The following PTGFR variants were observed in gnomAD, a reference collection of about 807,000 sequenced individuals.
PTGFR encodes prostaglandin F2-alpha receptor.
PTGFR carries 15 observed loss-of-function variants against 26.2 expected under a neutral mutation model. The observed-to-expected ratio is 0.57, with a 90% CI of 0.38 to 0.88. PTGFR has a LOEUF of 0.88. Among genes scored for constraint, PTGFR ranks in the 40% least tolerant of loss-of-function variants. The pLI is 0.00. For missense variants in PTGFR, 369 were observed against 427.2 expected (o/e 0.86, Z 1.20); for synonymous variants, 165 against 151.1 (o/e 1.09, Z -0.68).
At chr1:78,496,082 A>T (rs1649541124) in intron 2 of PTGFR, among the ~76,000 whole-genome samples, 1 of 152,076 alleles carries the variant, frequency 6.6e-6, no homozygotes, top group Admixed American at 6.5e-5. Context: ...TCTTTTATGG[A>T]GAGTTGAGTC....
Position 78,522,442 on chromosome 1 carries a change from C to T in PTGFR, c.799-13964C>T, listed in dbSNP as rs181423265. Among the ~76,000 whole-genome samples the T allele has an allele frequency of 1.0e-3, 159 of 152,174 alleles. 1 individual carries two copies. The highest frequency in any genetic ancestry group is 1.9e-3 in the Non-Finnish European group (130 of 67,976). On this transcript the variant is annotated intron_variant, in intron 2 of 2. Transcript: ENST00000370757. ...CCTAGGTTGGGCATATTAAAGGGGT[C>T]ATTTTTGAAATTCTGCCTAACACAA...
At chr1:78,523,915 T>C (rs1056943978) in intron 2 of PTGFR, among the ~76,000 whole-genome samples, 2 of 152,092 alleles carry the variant, frequency 1.3e-5, no homozygotes, top group Non-Finnish European at 2.9e-5. Flanking sequence ...TTGGGAACTA[T>C]ATGCCCAGCA....
At chr1:78,535,319 T>TTCAGATGCA (rs1235539705) in intron 2 of PTGFR, among the ~76,000 whole-genome samples, 1 of 152,120 alleles carries the variant, frequency 6.6e-6, no homozygotes, top group Non-Finnish European at 1.5e-5. Flanking sequence ...AGAAATAGAC[T>TTCAGATGCA]TCAGATGCAT....
At chr1:78,491,580 G>A (rs1433211403) in intron 1 of PTGFR, among the ~76,000 whole-genome samples, 1 of 152,262 alleles carries the variant, frequency 6.6e-6, no homozygotes, top group Non-Finnish European at 1.5e-5. Context: ...GGATGAGGGA[G>A]AAAACAGCCC....
intron 2 of PTGFR, among the ~76,000 whole-genome samples, chr1:78,525,954 A>G (rs1034488306): frequency 2.6e-5 from 4 of 152,126 alleles, no homozygotes; most frequent in African/African-American, 9.7e-5. Flanking sequence ...AAACTGTTCC[A>G]ATTGGAAGTA....
chr1:78,525,064 G>A (rs1448824491), intron 2 of PTGFR, among the ~76,000 whole-genome samples: 1 of 151,642 alleles, frequency 6.6e-6, no homozygotes, highest in East Asian at 1.9e-4. Context: ...TGCCAGATGT[G>A]TATCAGGATG....
At chr1:78,514,423 T>C (rs1032566518) in intron 2 of PTGFR, among the ~76,000 whole-genome samples, 1 of 152,170 alleles carries the variant, frequency 6.6e-6, no homozygotes, top group African/African-American at 2.4e-5. Flanking sequence ...CTGTTGCCTC[T>C]TTATTTTGGC....
In PTGFR at chr1:78,493,365, CTGGGGCTCTTAGCCCT is replaced by C; in HGVS notation, c.626_641del (p.Gly209ValfsTer15). ...ATTTTATCTTCTACTTTTTTCTTTT[CTGGGGCTCTTAGCCCT>C]TGGTGTTTCATTGTTGTGCAATGCA... On this transcript the variant is annotated frameshift_variant, in exon 2 of 3. Transcript: ENST00000370757. LOFTEE classifies it high-confidence loss of function. The C allele has an allele frequency of 6.2e-7, 1 of 1,613,614 alleles. No homozygotes were observed. The highest frequency in any genetic ancestry group is 8.5e-7 in the Non-Finnish European group (1 of 1,179,882).
At chr1:78,534,590 C>T (rs553186639) in intron 2 of PTGFR, among the ~76,000 whole-genome samples, 2 of 152,136 alleles carry the variant, frequency 1.3e-5, no homozygotes, top group African/African-American at 4.8e-5. Context: ...TTGAGACAAA[C>T]AAAATGAGGA....
At position 78,539,570 on chromosome 1, in the gene PTGFR, T is replaced by G. The variant is rs1650742465; in HGVS notation, c.*2883T>G. 1 of 152,534 alleles carries G rather than the reference T, an allele frequency of 6.6e-6. No individual in the cohort carries two copies. Among genetic ancestry groups the G allele is most frequent in the African/African-American group, 2.4e-5 (1 of 41,442 alleles). The allele number at this position is 152,534 out of a possible 1,614,324, so 9.4% of individuals were successfully genotyped here. On this transcript the variant is annotated 3_prime_UTR_variant, in exon 3 of 3. Coordinates refer to ENST00000370757, the MANE Select transcript of PTGFR (RefSeq NM_000959.4). ...CATTTTAATAGTAGATGAAACATGT[T>G]TTTCTTGGTTATGTGAATAAATGTA...
At chr1:78,516,117 T>TA (rs1557654125) in intron 2 of PTGFR, among the ~76,000 whole-genome samples, 1 of 152,146 alleles carries the variant, frequency 6.6e-6, no homozygotes, top group African/African-American at 2.4e-5. Flanking sequence ...TTAATTTTTT[T>TA]AAAAAAACCA....
At chr1:78,491,536 C>T (rs1649398323) in intron 1 of PTGFR, among the ~76,000 whole-genome samples, 1 of 152,214 alleles carries the variant, frequency 6.6e-6, no homozygotes, top group Non-Finnish European at 1.5e-5. Context: ...ACTGCGAGTT[C>T]CTCACCCGGG....
intron 2 of PTGFR, 22 bp downstream of exon 2, chr1:78,493,563 T>A (rs774546435): frequency 6.6e-7 from 1 of 1,511,394 alleles, no homozygotes; most frequent in Non-Finnish European, 8.8e-7. Flanking sequence ...AAGTTTTGAC[T>A]TCTGCTTTCT....
At chr1:78,510,290 G>A (rs1202454793) in intron 2 of PTGFR, among the ~76,000 whole-genome samples, 1 of 152,128 alleles carries the variant, frequency 6.6e-6, no homozygotes, top group African/African-American at 2.4e-5. Flanking sequence ...AGGTTTAATT[G>A]GCTCATGGTT....
intron 2 of PTGFR, among the ~76,000 whole-genome samples, chr1:78,510,746 G>C (rs1209863319): frequency 6.6e-6 from 1 of 152,078 alleles, no homozygotes; most frequent in African/African-American, 2.4e-5. Context: ...CAACTCAAAA[G>C]TCCCAAAGTC....
intron 2 of PTGFR, among the ~76,000 whole-genome samples, chr1:78,526,938 G>A (rs923899757): frequency 1.3e-5 from 2 of 152,108 alleles, no homozygotes; most frequent in African/African-American, 2.4e-5. Context: ...ATCTTGCAGG[G>A]CCTTGTAGCT....
intron 2 of PTGFR, among the ~76,000 whole-genome samples, chr1:78,520,295 CT>C (rs1650192525): frequency 6.6e-6 from 1 of 152,072 alleles, no homozygotes; most frequent in African/African-American, 2.4e-5. Flanking sequence ...CCTCATATTT[CT>C]TTAAAAAGTC....
intron 2 of PTGFR, among the ~76,000 whole-genome samples, chr1:78,504,695 T>G (rs1252929648): frequency 6.6e-6 from 1 of 152,224 alleles, no homozygotes; most frequent in African/African-American, 2.4e-5. Flanking sequence ...CATTCATCAT[T>G]TGTATTTATG....
At chr1:78,524,430 G>A (rs927238578) in intron 2 of PTGFR, among the ~76,000 whole-genome samples, 10 of 152,080 alleles carry the variant, frequency 6.6e-5, no homozygotes, top group Admixed American at 6.6e-4. Context: ...CCTTATAAAT[G>A]CTTATGGAAT....
Sources: gnomAD v4.1 joint callset for allele counts (sites outside exome capture counted in the v4.1 genomes callset) on GRCh38, gnomAD v4.1.1 for gene constraint, MANE v1.5 for transcripts, NCBI Gene and HGNC (gene_info 2026-07-23, HGNC 2026-07-21) for gene names.